Variants in ADGRA2 observed in about 807,000 individuals in gnomAD.
ADGRA2 encodes the protein adhesion G protein-coupled receptor A2, also known as G-protein coupled receptor 124.
Under a neutral mutation model 98.7 loss-of-function variants are expected in ADGRA2, and 61 were observed. The ratio of observed to expected loss-of-function variants is 0.62; its 90% CI spans 0.50 to 0.76. The LOEUF is 0.76. ADGRA2 is among the 30% of genes least tolerant of loss of function. The pLI is 0.00. For synonymous variants in ADGRA2, 858 were observed against 831.5 expected, an observed-to-expected ratio of 1.03 and a Z score of -0.55; for missense variants, 1,712 against 1,860.0, an observed-to-expected ratio of 0.92 and a Z score of 1.46.
intron 2 of ADGRA2, among the ~76,000 whole-genome samples, chr8:37,822,466 G>T (rs573495644): frequency 1.3e-5 from 2 of 150,714 alleles, no homozygotes. Context: ...TATAATTTAC[G>T]TGCCATAAAA....
Position 37,831,535 on chromosome 8 carries a change from T to G in ADGRA2, c.1045T>G (p.Ser349Ala). ...GGTGGAGATCGTGGTGCTGGAGACC[T>G]CTGCCTCCTACTGCCCCGCCGAGCG... ...KKVEIVVLET[S>A]ASYCPAERVA... Residue 349 changes from serine (S) to alanine (A), a missense_variant, in exon 8 of 19, where the codon TCT becomes GCT. Ser to Ala is a moderately conservative substitution (Grantham distance 99, BLOSUM62 1). Coordinates refer to ENST00000412232, the MANE Select transcript of ADGRA2 (RefSeq NM_032777.10). 1 of 1,613,858 alleles carries G rather than the reference T, an allele frequency of 6.2e-7. No individual in the cohort carries two copies. The highest frequency in any genetic ancestry group is 1.3e-5 in the African/African-American group (1 of 75,024).
In ADGRA2 at chr8:37,843,656, C is replaced by CA. The variant is rs1168694728; in HGVS notation, c.*1302dup. The CA allele has an allele frequency of 1.3e-5, 2 of 152,290 alleles. No individual in the cohort carries two copies. The highest frequency in any genetic ancestry group is 4.8e-5 in the African/African-American group (2 of 41,364). 9.4% of individuals were successfully genotyped at this position (152,290 alleles called of 1,614,324 possible). On this transcript the variant is annotated 3_prime_UTR_variant, in exon 19 of 19. Coordinates refer to ENST00000412232, the MANE Select transcript of ADGRA2 (RefSeq NM_032777.10). ...CACTCTGGCCTCATCACCAAGGTGA[C>CA]AGAGGACACAGGGGAGGGGGAAAAC... is the stretch of plus-strand genomic sequence containing the variant.
intron 2 of ADGRA2, among the ~76,000 whole-genome samples, chr8:37,822,892 C>CT (rs1279274845): frequency 0.016 from 2,261 of 139,306 alleles, 65 homozygotes; most frequent in African/African-American, 0.052. Context: ...GTGGATACTA[C>CT]TTTTTTTTTT....
intron 8 of ADGRA2, 97 bp from the exon 9 acceptor site, chr8:37,832,913 G>A (rs948173374): frequency 3.4e-6 from 3 of 885,866 alleles, no homozygotes; most frequent in African/African-American, 3.3e-5. Flanking sequence ...CCCTCCCCAA[G>A]GCCCCAAGGA....
At position 37,842,236 on chromosome 8, in the gene ADGRA2, G is replaced by A. The variant is rs779416720; in HGVS notation, c.3898G>A (p.Ala1300Thr). The A allele has an allele frequency of 1.7e-5, 26 of 1,550,902 alleles. No homozygotes were observed. Among genetic ancestry groups the A allele is most frequent in the Non-Finnish European group, 2.3e-5 (26 of 1,148,364 alleles). ...TCGCCGCTCGTACCCGCTCAACGCC[G>A]CCAGCCTAAACGGCGCCCCCAAGGG... ...SHRRSYPLNA[A>T]SLNGAPKGGK... Residue 1300 changes from alanine (A) to threonine (T), a missense_variant, in exon 19 of 19, where the codon GCC becomes ACC. Ala to Thr is a moderately conservative substitution (Grantham distance 58, BLOSUM62 0). Coordinates refer to ENST00000412232, the MANE Select transcript of ADGRA2 (RefSeq NM_032777.10).
chr8:37,832,300 G>A (rs146249254), intron 8 of ADGRA2, among the ~76,000 whole-genome samples: 1,811 of 152,140 alleles, frequency 0.012, 12 homozygotes, highest in Non-Finnish European at 0.019. Context: ...TGATCCACCC[G>A]CCTTGGCCTC....
At chr8:37,824,634 C>G (rs1805221363) in intron 2 of ADGRA2, among the ~76,000 whole-genome samples, 1 of 151,572 alleles carries the variant, frequency 6.6e-6, no homozygotes, top group Non-Finnish European at 1.5e-5. Flanking sequence ...GCTGAGATTA[C>G]AAGGCTCCCG....
chr8:37,826,196 G>C (rs1018804892), intron 2 of ADGRA2, among the ~76,000 whole-genome samples: 3 of 152,200 alleles, frequency 2.0e-5, no homozygotes, highest in Non-Finnish European at 4.4e-5. Context: ...AATGAGGAAT[G>C]TGTTTCCCTC....
At chr8:37,803,479 T>A (rs1172121777) in intron 1 of ADGRA2, among the ~76,000 whole-genome samples, 2 of 152,182 alleles carry the variant, frequency 1.3e-5, no homozygotes, top group Non-Finnish European at 2.9e-5. Flanking sequence ...GAAGGGCTGC[T>A]CAGAGGGGCT....
Position 37,814,984 on chromosome 8 carries a change from G to C in ADGRA2, c.338+17G>C. The C allele has an allele frequency of 2.5e-6, 4 of 1,582,490 alleles. No homozygotes were observed. Among genetic ancestry groups the C allele is most frequent in the Non-Finnish European group, 3.5e-6 (4 of 1,151,210 alleles). ...GGAGAAGCTGTAAGTGCTGGGGAAG[G>C]TGAGGTGGAGGAGGGGGGTGGCCGT... is the stretch of plus-strand genomic sequence containing the variant. On this transcript the variant is annotated intron_variant, in intron 2 of 18. Coordinates refer to ENST00000412232, the MANE Select transcript of ADGRA2 (RefSeq NM_032777.10). This position sits in a 1 kb window ranked among gnomAD's most constrained non-coding sequence, Gnocchi z 4.3.
chr8:37,811,063 G>A (rs1315427418), intron 1 of ADGRA2, among the ~76,000 whole-genome samples: 25 of 134,778 alleles, frequency 1.9e-4, no homozygotes, highest in South Asian at 2.7e-4. Context: ...GCAGTGAGCC[G>A]AGATCACGCC....
chr8:37,797,447 G>C lies in ADGRA2; in HGVS notation c.179G>C (p.Gly60Ala). ...RPKGLSGGVP[G>A]PARRRVVCSG... ...AAGGGGCTGAGCGGCGGCGTCCCTG[G>C]CCCGGCTCGGCGGAGGGTGGTGTGC... Residue 60 changes from glycine (G) to alanine (A), a missense_variant, in exon 1 of 19, where the codon GGC (glycine) becomes GCC (alanine). By Grantham distance (60) the Gly-to-Ala change is moderately conservative. Transcript: ENST00000412232. The surrounding 1 kb of genome is among the most constrained non-coding windows in gnomAD (Gnocchi z 5.3). 1 of 1,413,696 alleles carries C rather than the reference G, an allele frequency of 7.1e-7. No homozygotes were observed. The highest frequency in any genetic ancestry group is 1.6e-5 in the South Asian group (1 of 62,258). The allele number at this position is 1,413,696 out of a possible 1,614,324, so 87.6% of individuals were successfully genotyped here.
intron 1 of ADGRA2, among the ~76,000 whole-genome samples, chr8:37,799,243 C>T (rs1804429971): frequency 6.6e-6 from 1 of 151,988 alleles, no homozygotes; most frequent in Non-Finnish European, 1.5e-5. Context: ...GGCGTGGTAG[C>T]GCGCGCCTGT....
intron 14 of ADGRA2, 37 bp from the exon 15 acceptor site, chr8:37,838,919 C>T: frequency 6.5e-7 from 1 of 1,536,440 alleles, no homozygotes. Context: ...GGCGAGGTGT[C>T]CACATTCCTC....
At chr8:37,823,364 G>T (rs2129979674) in intron 2 of ADGRA2, among the ~76,000 whole-genome samples, 1 of 151,716 alleles carries the variant, frequency 6.6e-6, no homozygotes, top group East Asian at 1.9e-4. Flanking sequence ...ACCATGCCTG[G>T]CCAATTTTCT....
Position 37,829,297 on chromosome 8 carries a change from C to T in ADGRA2, c.447C>T (p.Ser149=), listed in dbSNP as rs376413572. The T allele has an allele frequency of 5.1e-5, 83 of 1,613,766 alleles. No individual in the cohort carries two copies. The African/African-American group carries it at 5.7e-4, about 11-fold the overall frequency. The change falls in exon 4 of 19, where the codon TCC becomes TCT. Residue 149 remains serine, a synonymous_variant. Transcript: ENST00000412232. The part of the protein sequence containing the change: ...LSNNRIGCLT[S]ETFQGLPRLL... ...ACAACCGGATTGGCTGTCTCACCTC[C>T]GAGACCTTCCAGGGCCTCCCCAGGC... is the stretch of plus-strand genomic sequence containing the variant.
chr8:37,827,990 T>A (rs1234993676), intron 2 of ADGRA2, among the ~76,000 whole-genome samples: 3 of 150,794 alleles, frequency 2.0e-5, no homozygotes, highest in Admixed American at 1.3e-4. Flanking sequence ...TTTTTTTTTT[T>A]AAATTAGCGG....
chr8:37,839,560 A>C lies in ADGRA2; in HGVS notation c.2449A>C (p.Met817Leu). 6.2e-7 allele frequency: 1 copy of C among 1,614,140 alleles called. No homozygotes were observed. Among genetic ancestry groups the C allele is most frequent in the Non-Finnish European group, 8.5e-7 (1 of 1,180,010 alleles). ...GCTGAACTTGTGCTTCCACATAGCC[A>C]TGACCTCTGCTGTCTTTGCGGGGGG... is the stretch of plus-strand genomic sequence containing the variant. ...MLLNLCFHIA[M>L]TSAVFAGGIT... Residue 817 changes from methionine to leucine, a missense_variant, in exon 16 of 19, where the codon ATG (methionine) becomes CTG (leucine). Met to Leu is a conservative substitution (Grantham distance 15, BLOSUM62 2). Transcript: ENST00000412232.
chr8:37,826,822 C>T (rs557852097), intron 2 of ADGRA2, among the ~76,000 whole-genome samples: 34 of 152,106 alleles, frequency 2.2e-4, no homozygotes, highest in African/African-American at 7.2e-4. Flanking sequence ...GCCTCCTCAG[C>T]CCCCCACCCC....
Sources: allele counts gnomAD v4.1 joint callset (sites outside exome capture counted in the v4.1 genomes callset), GRCh38; gene constraint gnomAD v4.1.1; non-coding constraint Gnocchi (gnomAD v3.1); transcripts MANE v1.5; gene names NCBI Gene and HGNC (gene_info 2026-07-23, HGNC 2026-07-21).